FCHSD2: variants seen among roughly 807,000 people sequenced by gnomAD.
FCHSD2 encodes F-BAR and double SH3 domains protein 2.
In FCHSD2, 38 loss-of-function variants were observed where a neutral mutation model predicts 108.1. The ratio of observed to expected loss-of-function variants is 0.35; its 90% CI spans 0.27 to 0.46. FCHSD2 has a LOEUF of 0.46. Ranked by LOEUF, FCHSD2 falls within the 20% of genes least tolerant of loss-of-function variation. The pLI is 1.00. For missense variants in FCHSD2, 751 were observed against 897.8 expected (o/e 0.84, Z 2.09); for synonymous variants, 279 against 314.7 (o/e 0.89, Z 1.20).
chr11:72,845,437 C>CAAAAAAAAAAAA (rs755929012), intron 14 of FCHSD2, among the ~76,000 whole-genome samples: 1 of 81,956 alleles, frequency 1.2e-5, no homozygotes, highest in Non-Finnish European at 2.3e-5. Context: ...GACCCTGTCT[C>CAAAAAAAAAAAA]AAAAAAAAAA....
chr11:72,921,944 C>T lies in FCHSD2; in HGVS notation c.712G>A (p.Asp238Asn), dbSNP rs1433041677. 2.1e-5 allele frequency: 33 copies of T among 1,587,310 alleles called. No homozygotes were observed. Among genetic ancestry groups the T allele is most frequent in the Non-Finnish European group, 2.8e-5 (33 of 1,165,268 alleles). Reference sequence around the variant, plus strand: ...TTGAGATGATCATACACATTTCCATCAAGAGCCTGTAATAGAGGAGTAAAT... The same window carrying T: ...TTGAGATGATCATACACATTTCCATTAAGAGCCTGTAATAGAGGAGTAAAT... ...TDLVNIMKAL[D>N]GNVYDHLKDY... The change falls in exon 9 of 20, where the codon GAT becomes AAT. Residue 238 changes from aspartate to asparagine, a missense_variant. Transcript: ENST00000409418.
At chr11:73,031,168 A>T (rs1406850699) in intron 3 of FCHSD2, among the ~76,000 whole-genome samples, 3 of 152,126 alleles carry the variant, frequency 2.0e-5, no homozygotes, top group African/African-American at 2.4e-5. Flanking sequence ...CTAAAAAAAT[A>T]AAAAAACTTG....
chr11:72,861,983 G>A (rs1861588182), intron 13 of FCHSD2, among the ~76,000 whole-genome samples: 1 of 150,748 alleles, frequency 6.6e-6, no homozygotes. Context: ...GGGTTTACCA[G>A]GAATGTGAAG....
chr11:73,070,614 T>TG (rs1176398540), intron 3 of FCHSD2, among the ~76,000 whole-genome samples: 1 of 151,754 alleles, frequency 6.6e-6, no homozygotes, highest in African/African-American at 2.4e-5. Context: ...TTAGTAGAGA[T>TG]GGGGTTTCAC....
At chr11:73,095,997 A>T (rs1016327569) in intron 2 of FCHSD2, among the ~76,000 whole-genome samples, 7 of 152,112 alleles carry the variant, frequency 4.6e-5, no homozygotes, top group African/African-American at 1.7e-4. Flanking sequence ...ACCAACATCT[A>T]ATATCCTAAA....
At chr11:72,905,106 T>C (rs1486004225) in intron 9 of FCHSD2, among the ~76,000 whole-genome samples, 2 of 152,216 alleles carry the variant, frequency 1.3e-5, no homozygotes, top group Admixed American at 1.3e-4. Flanking sequence ...CTGTGAATGT[T>C]ACTTCATTTG....
chr11:73,130,379 C>G (rs367699025), intron 2 of FCHSD2, among the ~76,000 whole-genome samples: 4 of 152,160 alleles, frequency 2.6e-5, no homozygotes, highest in Non-Finnish European at 5.9e-5. Context: ...ACTACAGGCA[C>G]GTGCTATGGT....
intron 3 of FCHSD2, among the ~76,000 whole-genome samples, chr11:73,046,816 A>G (rs556290235): frequency 6.6e-6 from 1 of 152,124 alleles, no homozygotes; most frequent in Non-Finnish European, 1.5e-5. Flanking sequence ...CTCCTGGCCA[A>G]AAACGATCCT....
At chr11:73,021,717 A>T (rs1056031999) in intron 3 of FCHSD2, among the ~76,000 whole-genome samples, 4 of 151,258 alleles carry the variant, frequency 2.6e-5, no homozygotes, top group African/African-American at 7.3e-5. Context: ...AATAAAACTT[A>T]AAAAAAAAGC....
intron 12 of FCHSD2, among the ~76,000 whole-genome samples, chr11:72,868,889 T>G (rs893533631): frequency 6.6e-6 from 1 of 152,060 alleles, no homozygotes; most frequent in African/African-American, 2.4e-5. Flanking sequence ...TTTTACTTTT[T>G]AAGTTACCTT....
chr11:73,073,832 G>C (rs1591532520), intron 3 of FCHSD2, among the ~76,000 whole-genome samples: 1 of 151,968 alleles, frequency 6.6e-6, no homozygotes, highest in South Asian at 2.1e-4. Flanking sequence ...CATGTGCAAG[G>C]ATTTTTTTTT....
intron 8 of FCHSD2, among the ~76,000 whole-genome samples, chr11:72,950,298 A>G (rs1856597836): frequency 6.6e-6 from 1 of 152,112 alleles, no homozygotes; most frequent in African/African-American, 2.4e-5. Context: ...GGTTGTCTTC[A>G]CTTTCTCCAT....
At chr11:73,063,533 T>A (rs1283958545) in intron 3 of FCHSD2, among the ~76,000 whole-genome samples, 4 of 152,104 alleles carry the variant, frequency 2.6e-5, no homozygotes, top group Admixed American at 2.6e-4. Context: ...TGTGCTGTAT[T>A]CAGGAGACCC....
intron 8 of FCHSD2, among the ~76,000 whole-genome samples, chr11:72,949,259 G>A (rs1011216401): frequency 5.9e-5 from 9 of 151,938 alleles, no homozygotes; most frequent in African/African-American, 2.2e-4. Flanking sequence ...AGGCCAGCCT[G>A]ACCAACATGG....
intron 2 of FCHSD2, among the ~76,000 whole-genome samples, chr11:73,098,463 CAT>C: frequency 6.6e-6 from 1 of 152,116 alleles, no homozygotes; most frequent in South Asian, 2.1e-4. Flanking sequence ...TATAATCTAA[CAT>C]ATGATCTATC....
At chr11:73,049,872 TA>T (rs151320549) in intron 3 of FCHSD2, among the ~76,000 whole-genome samples, 37,164 of 149,792 alleles carry the variant, frequency 0.25, 4,790 homozygotes, top group Middle Eastern at 0.36. Flanking sequence ...AAAAGGACCA[TA>T]AAAAAAAAAT....
intron 2 of FCHSD2, among the ~76,000 whole-genome samples, chr11:73,135,714 T>G (rs781121105): frequency 6.6e-6 from 1 of 152,116 alleles, no homozygotes; most frequent in Non-Finnish European, 1.5e-5. Flanking sequence ...AACAACAAAT[T>G]AGTTGTCTTT....
intron 18 of FCHSD2, 47 bp from the exon 19 acceptor site, chr11:72,841,006 A>C: frequency 7.1e-7 from 1 of 1,406,282 alleles, no homozygotes; most frequent in Non-Finnish European, 1.0e-6. Flanking sequence ...GTTGTTGAGC[A>C]ATAATGCTGA....
intron 2 of FCHSD2, among the ~76,000 whole-genome samples, chr11:73,122,501 C>T (rs981528517): frequency 6.6e-6 from 1 of 152,160 alleles, no homozygotes; most frequent in African/African-American, 2.4e-5. Flanking sequence ...CTCTTCAGAA[C>T]ACAGGAATGG....
Sources: allele counts gnomAD v4.1 joint callset (sites outside exome capture counted in the v4.1 genomes callset), GRCh38; gene constraint gnomAD v4.1.1; transcripts MANE v1.5; gene names NCBI Gene and HGNC (gene_info 2026-07-23, HGNC 2026-07-21).